Variants in AFG1L observed in about 807,000 individuals in gnomAD.
AFG1L encodes the protein AFG1 like ATPase.
AFG1L carries 53 observed loss-of-function variants against 62.2 expected under a neutral mutation model. The ratio of observed to expected loss-of-function variants is 0.85; its 90% CI spans 0.68 to 1.07. The LOEUF is 1.07. AFG1L is among the 50% of genes least tolerant of loss of function. The pLI, the probability that AFG1L is intolerant of heterozygous loss-of-function variation, is 0.00. For missense variants in AFG1L, 555 were observed against 590.5 expected (o/e 0.94, Z 0.62); for synonymous variants, 228 against 210.3 (o/e 1.08, Z -0.73).
At chr6:108,501,236 G>A (rs531287045) in intron 10 of AFG1L, among the ~76,000 whole-genome samples, 8 of 152,132 alleles carry the variant, frequency 5.3e-5, no homozygotes, top group East Asian at 1.9e-4. Context: ...CCCATGATCC[G>A]CCTGCCTTGG....
chr6:108,326,464 T>C (rs1415910512), intron 2 of AFG1L, among the ~76,000 whole-genome samples: 3 of 152,188 alleles, frequency 2.0e-5, no homozygotes, highest in Non-Finnish European at 4.4e-5. Context: ...AAACTCCTGT[T>C]CCTTATCTAA....
intron 7 of AFG1L, among the ~76,000 whole-genome samples, chr6:108,409,302 C>T (rs910882827): frequency 6.6e-6 from 1 of 152,128 alleles, no homozygotes; most frequent in African/African-American, 2.4e-5. Flanking sequence ...GAATTTTGCT[C>T]ACTCCTCTTT....
intron 7 of AFG1L, among the ~76,000 whole-genome samples, chr6:108,414,930 G>A (rs911016535): frequency 2.2e-4 from 33 of 152,280 alleles, no homozygotes; most frequent in African/African-American, 7.5e-4. Flanking sequence ...GGGCAATCAG[G>A]CAAGGGAAAG....
intron 11 of AFG1L, among the ~76,000 whole-genome samples, chr6:108,516,268 C>A (rs904947064): frequency 1.7e-4 from 26 of 152,314 alleles, no homozygotes; most frequent in African/African-American, 6.0e-4. Flanking sequence ...TACTGGCAAA[C>A]CGAATCCAGC....
At chr6:108,359,922 A>G (rs1779456189) in intron 5 of AFG1L, 2 of 152,184 alleles carry the variant, frequency 1.3e-5, no homozygotes, top group African/African-American at 4.8e-5. Flanking sequence ...TTCAAGTCAT[A>G]TTTTGCTCCC....
intron 6 of AFG1L, among the ~76,000 whole-genome samples, chr6:108,380,040 A>C (rs1780429400): frequency 6.6e-6 from 1 of 151,996 alleles, no homozygotes; most frequent in Admixed American, 6.5e-5. Flanking sequence ...CCCGTGCACC[A>C]AGATCTTTAC....
At chr6:108,376,943 G>T (rs1780273430) in intron 6 of AFG1L, among the ~76,000 whole-genome samples, 1 of 152,078 alleles carries the variant, frequency 6.6e-6, no homozygotes, top group African/African-American at 2.4e-5. Context: ...ATATATTTAG[G>T]ATAGTTAACT....
intron 2 of AFG1L, among the ~76,000 whole-genome samples, chr6:108,334,184 T>C (rs1413253717): frequency 1.3e-5 from 2 of 152,136 alleles, no homozygotes; most frequent in East Asian, 3.9e-4. Flanking sequence ...TTTTTGTATT[T>C]TTAGTAGATG....
At position 108,377,046 on chromosome 6, in the gene AFG1L, AT is replaced by A. The variant is rs971652423; in HGVS notation, c.748+10721del. ...AAAGTCTATTTAATCTGATAATAAGATTTTTTTGGTCTTTTTTTTCTGCCTT... is the reference window on the plus strand; with the variant it reads ...AAAGTCTATTTAATCTGATAATAAGATTTTTTGGTCTTTTTTTTCTGCCTT... On this transcript the variant is annotated intron_variant, in intron 6 of 12. Transcript: ENST00000368977. Among the ~76,000 whole-genome samples the A allele has an allele frequency of 3.9e-4, 59 of 151,354 alleles. 1 individual carries two copies. Among genetic ancestry groups the A allele is most frequent in the African/African-American group, 1.4e-3 (58 of 41,240 alleles).
At chr6:108,415,504 T>C (rs192660985) in intron 7 of AFG1L, among the ~76,000 whole-genome samples, 24 of 152,318 alleles carry the variant, frequency 1.6e-4, no homozygotes, top group African/African-American at 5.5e-4. Flanking sequence ...GGCATCACGC[T>C]ACCTGACTTC....
intron 1 of AFG1L, 141 bp downstream of exon 1, chr6:108,295,359 T>C: frequency 1.1e-6 from 1 of 924,788 alleles, no homozygotes; most frequent in Non-Finnish European, 1.6e-6. Flanking sequence ...TTTCCATTTC[T>C]CTTGACCTTT....
At chr6:108,514,884 A>T (rs1461283572) in intron 11 of AFG1L, among the ~76,000 whole-genome samples, 1 of 152,208 alleles carries the variant, frequency 6.6e-6, no homozygotes, top group Non-Finnish European at 1.5e-5. Context: ...ACCAACAAAG[A>T]TCAAAAGAGA....
intron 1 of AFG1L, among the ~76,000 whole-genome samples, chr6:108,308,333 T>C (rs906904384): frequency 6.6e-6 from 1 of 152,112 alleles, no homozygotes; most frequent in African/African-American, 2.4e-5. Flanking sequence ...AAATTTTTTA[T>C]AGAGACAGCA....
rs779557070 is a variant in AFG1L at position 108,510,238 on chromosome 6, A to T, written c.1089A>T (p.Glu363Asp). The T allele has an allele frequency of 2.8e-5, 45 of 1,610,288 alleles. No homozygotes were observed. The East Asian group carries it at 9.8e-4, about 35-fold the overall frequency. The change falls in exon 11 of 13, where the codon GAA becomes GAT. Residue 363 changes from glutamate to aspartate, a missense_variant. Transcript: ENST00000368977. ...CACTTGGAGCCAGTGACTATTTGGA[A>T]CTATCAAAGAATTTTGATACAATAT... ...ERPLGASDYL[E>D]LSKNFDTIFL... is the part of the protein sequence containing the mutation.
intron 3 of AFG1L, among the ~76,000 whole-genome samples, chr6:108,355,131 G>T (rs1457908281): frequency 3.3e-5 from 5 of 149,774 alleles, no homozygotes; most frequent in Admixed American, 3.3e-4. Context: ...TTTGAGATGG[G>T]GGTCTCGCTA....
At chr6:108,476,828 T>C (rs760587999) in intron 8 of AFG1L, 37 bp from the exon 9 acceptor site, 1 of 1,506,538 alleles carries the variant, frequency 6.6e-7, no homozygotes, top group Middle Eastern at 1.7e-4. Context: ...GCTTCAAGTG[T>C]TATTAATTTC....
chr6:108,453,082 C>T (rs1363028073), intron 8 of AFG1L, among the ~76,000 whole-genome samples: 6 of 152,156 alleles, frequency 3.9e-5, no homozygotes, highest in South Asian at 2.1e-4. Flanking sequence ...CTTAAAGAAC[C>T]GGGCTTCCTC....
At chr6:108,356,263 G>A (rs1218344369) in intron 4 of AFG1L, among the ~76,000 whole-genome samples, 2 of 152,180 alleles carry the variant, frequency 1.3e-5, no homozygotes, top group Non-Finnish European at 2.9e-5. Context: ...CATAATGAAT[G>A]AAGTGGACTG....
At chr6:108,319,744 G>A (rs547909065) in intron 1 of AFG1L, 13 of 419,738 alleles carry the variant, frequency 3.1e-5, no homozygotes, top group Admixed American at 5.0e-5. Flanking sequence ...AAGTAGCTGG[G>A]ACTACAGATG....
Sources: allele counts gnomAD v4.1 joint callset (sites outside exome capture counted in the v4.1 genomes callset), GRCh38; gene constraint gnomAD v4.1.1; transcripts MANE v1.5; gene names NCBI Gene and HGNC (gene_info 2026-07-23, HGNC 2026-07-21).